REDIC1: variants seen among roughly 807,000 people sequenced by gnomAD.
REDIC1 encodes HEI10 Interacting Protein 1.
At chr12:39,871,914 C>T in the REDIC1 span, 3 of 1,610,488 alleles carry the variant, frequency 1.9e-6, no homozygotes, top group South Asian at 3.3e-5. Flanking sequence ...TATTGCAAGT[C>T]TATCATCTTC....
the REDIC1 span, among the ~76,000 whole-genome samples, chr12:39,903,525 T>G: frequency 2.6e-5 from 4 of 152,034 alleles, no homozygotes; most frequent in African/African-American, 9.7e-5. Context: ...GGGAAGCTCA[T>G]GACAAGATTC....
chr12:39,669,486 G>T, the REDIC1 span, among the ~76,000 whole-genome samples: 454 of 152,298 alleles, frequency 3.0e-3, 1 homozygote, highest in African/African-American at 0.01. Context: ...TCCCAGTTAG[G>T]CTACTCGGGC....
chr12:39,694,258 C>CA, the REDIC1 span, among the ~76,000 whole-genome samples: 1 of 151,968 alleles, frequency 6.6e-6, no homozygotes, highest in African/African-American at 2.4e-5. Flanking sequence ...TATCTACACA[C>CA]AAAAAAACAC....
chr12:39,692,070 A>G, the REDIC1 span: 1 of 1,580,276 alleles, frequency 6.3e-7, no homozygotes, highest in Non-Finnish European at 8.6e-7. Context: ...AGAAGGAGGA[A>G]TATATTCTTT....
the REDIC1 span, among the ~76,000 whole-genome samples, chr12:39,712,693 ATACGTGTATATATGTATATAGACG>A: frequency 2.6e-4 from 1 of 3,818 alleles, no homozygotes; most frequent in Non-Finnish European, 6.7e-4. Flanking sequence ...ATATATACGT[ATACGTGTATATATGTATATAGACG>A]TATACGTGTA....
the REDIC1 span, among the ~76,000 whole-genome samples, chr12:39,713,485 T>A: frequency 6.7e-6 from 1 of 149,976 alleles, no homozygotes. Context: ...TATACATTTA[T>A]ACATTTGTAC....
the REDIC1 span, among the ~76,000 whole-genome samples, chr12:39,732,429 T>A: frequency 5.3e-5 from 8 of 152,192 alleles, no homozygotes; most frequent in African/African-American, 1.9e-4. Context: ...GCTCGTAATG[T>A]CTGTTTTTCA....
chr12:39,867,380 TATAAAGATTCAAATAA>T, the REDIC1 span, among the ~76,000 whole-genome samples: 3 of 152,118 alleles, frequency 2.0e-5, no homozygotes, highest in Non-Finnish European at 4.4e-5. Context: ...GTGCCTGGCA[TATAAAGATTCAAATAA>T]ATATTGGTTG....
At chr12:39,877,372 CTT>C in the REDIC1 span, among the ~76,000 whole-genome samples, 1 of 152,050 alleles carries the variant, frequency 6.6e-6, no homozygotes, top group South Asian at 2.1e-4. Flanking sequence ...AGACTTACTC[CTT>C]ATCACAAGAA....
the REDIC1 span, among the ~76,000 whole-genome samples, chr12:39,752,544 C>T: frequency 6.6e-6 from 1 of 152,018 alleles, no homozygotes; most frequent in Non-Finnish European, 1.5e-5. Flanking sequence ...TAATAGTCTT[C>T]AAATAATGAT....
At chr12:39,730,981 G>C in the REDIC1 span, among the ~76,000 whole-genome samples, 3 of 152,072 alleles carry the variant, frequency 2.0e-5, no homozygotes, top group Non-Finnish European at 4.4e-5. Flanking sequence ...CGAAGTTCTT[G>C]TGCTGTGTTT....
At chr12:39,636,343 T>C in the REDIC1 span, among the ~76,000 whole-genome samples, 2 of 152,128 alleles carry the variant, frequency 1.3e-5, no homozygotes, top group African/African-American at 2.4e-5. Flanking sequence ...TTCATACTTA[T>C]GTGAAAACTT....
the REDIC1 span, among the ~76,000 whole-genome samples, chr12:39,730,972 G>A: frequency 6.6e-6 from 1 of 151,938 alleles, no homozygotes; most frequent in African/African-American, 2.4e-5. Flanking sequence ...TATGCTTCAC[G>A]AAGTTCTTGT....
At chr12:39,837,706 A>G in the REDIC1 span, among the ~76,000 whole-genome samples, 1 of 152,204 alleles carries the variant, frequency 6.6e-6, no homozygotes, top group Non-Finnish European at 1.5e-5. Flanking sequence ...TTCTCAAAAG[A>G]AGACATTTAT....
the REDIC1 span, among the ~76,000 whole-genome samples, chr12:39,894,206 T>C: frequency 1.3e-5 from 2 of 152,146 alleles, no homozygotes; most frequent in Admixed American, 1.3e-4. Context: ...AACTTTCAAG[T>C]GTCTTCAAGT....
At chr12:39,716,637 T>A in the REDIC1 span, 1 of 656,734 alleles carries the variant, frequency 1.5e-6, no homozygotes, top group Non-Finnish European at 2.5e-6. Flanking sequence ...TGGTACATTT[T>A]AAAGTGTTTT....
chr12:39,643,038 T>A, the REDIC1 span, among the ~76,000 whole-genome samples: 131,546 of 151,724 alleles, frequency 0.87, 57,274 homozygotes, highest in African/African-American at 0.92. Flanking sequence ...CGCATTTATA[T>A]TTACATTCAT....
the REDIC1 span, among the ~76,000 whole-genome samples, chr12:39,800,040 C>A: frequency 3.3e-5 from 5 of 152,040 alleles, no homozygotes; most frequent in African/African-American, 1.2e-4. Flanking sequence ...AGATTTTTGC[C>A]AAGTAAACAT....
At chr12:39,744,681 G>GAAAT in the REDIC1 span, among the ~76,000 whole-genome samples, 1 of 152,034 alleles carries the variant, frequency 6.6e-6, no homozygotes, top group East Asian at 1.9e-4. Flanking sequence ...AAATATAACT[G>GAAAT]AAATAAATAA....
Sources: allele counts gnomAD v4.1 joint callset (sites outside exome capture counted in the v4.1 genomes callset), GRCh38; gene constraint gnomAD v4.1.1; transcripts MANE v1.5; gene names NCBI Gene and HGNC (gene_info 2026-07-23, HGNC 2026-07-21).